INPP4B: variants seen among roughly 807,000 people sequenced by gnomAD.
INPP4B encodes the protein inositol polyphosphate-4-phosphatase type II B.
Under a neutral mutation model 122.5 loss-of-function variants are expected in INPP4B, and 55 were observed. The ratio of observed to expected loss-of-function variants is 0.45; its 90% confidence interval spans 0.36 to 0.56. The LOEUF is 0.56. Ranked by LOEUF, INPP4B falls within the 20% of genes least tolerant of loss-of-function variation. The probability of loss-of-function intolerance (pLI) is 0.00; values close to 1 mark genes in which losing one functional copy is unlikely to be tolerated. For synonymous variants in INPP4B, 403 were observed against 388.7 expected (o/e 1.04, Z -0.43); for missense variants, 1,000 against 1,097.7 (o/e 0.91, Z 1.26).
intron 2 of INPP4B, among the ~76,000 whole-genome samples, chr4:142,484,892 TA>T (rs1489122117): frequency 5.3e-5 from 8 of 152,102 alleles, no homozygotes; most frequent in African/African-American, 1.9e-4. Context: ...CAATTGCAAA[TA>T]GGGGTCCTGT....
chr4:142,707,246 C>T (rs868063754), intron 2 of INPP4B, among the ~76,000 whole-genome samples: 12 of 152,200 alleles, frequency 7.9e-5, no homozygotes, highest in African/African-American at 2.9e-4. Context: ...CATTCTCAGT[C>T]TACAAACTTA....
chr4:142,805,373 G>A (rs1041567067), intron 1 of INPP4B, among the ~76,000 whole-genome samples: 1 of 152,102 alleles, frequency 6.6e-6, no homozygotes, highest in Non-Finnish European at 1.5e-5. Flanking sequence ...AGAATGGATG[G>A]AATAAACTAG....
intron 14 of INPP4B, among the ~76,000 whole-genome samples, chr4:142,196,805 T>C (rs1838423204): frequency 6.6e-6 from 1 of 152,048 alleles, no homozygotes; most frequent in African/African-American, 2.4e-5. Flanking sequence ...ATGACCTGGG[T>C]CCAATTCTTC....
chr4:142,585,769 C>T (rs1010516191), intron 2 of INPP4B, among the ~76,000 whole-genome samples: 1 of 151,786 alleles, frequency 6.6e-6, no homozygotes, highest in Admixed American at 6.6e-5. Context: ...CTTTCCATGA[C>T]TTGAGTTAGG....
intron 2 of INPP4B, among the ~76,000 whole-genome samples, chr4:142,607,227 T>C (rs1741461111): frequency 6.6e-6 from 1 of 152,072 alleles, no homozygotes; most frequent in South Asian, 2.1e-4. Context: ...ATTAAATTAA[T>C]CATTCCCTTT....
chr4:142,524,110 A>G (rs1181053600), intron 2 of INPP4B, among the ~76,000 whole-genome samples: 2 of 151,814 alleles, frequency 1.3e-5, no homozygotes, highest in East Asian at 1.9e-4. Flanking sequence ...TAGTGCCGCA[A>G]TAAACATATG....
At chr4:142,043,806 A>C (rs1390247004) in intron 25 of INPP4B, among the ~76,000 whole-genome samples, 1 of 152,238 alleles carries the variant, frequency 6.6e-6, no homozygotes, top group Non-Finnish European at 1.5e-5. Flanking sequence ...TAGGGTGGGC[A>C]AACACTGAAG....
At chr4:142,055,491 C>A (rs1175802475) in intron 25 of INPP4B, among the ~76,000 whole-genome samples, 1 of 152,004 alleles carries the variant, frequency 6.6e-6, no homozygotes, top group Non-Finnish European at 1.5e-5. Flanking sequence ...CTTATATGCA[C>A]TTTAAAATTA....
chr4:142,754,172 T>C (rs1342644970), intron 1 of INPP4B, among the ~76,000 whole-genome samples: 1 of 152,070 alleles, frequency 6.6e-6, no homozygotes, highest in Non-Finnish European at 1.5e-5. Flanking sequence ...AGAATTTCCT[T>C]TTATACCTTT....
intron 17 of INPP4B, among the ~76,000 whole-genome samples, chr4:142,150,795 A>T (rs1174412157): frequency 6.6e-6 from 1 of 152,186 alleles, no homozygotes; most frequent in East Asian, 1.9e-4. Context: ...CATGTCACAC[A>T]ATTGTGAGTT....
chr4:142,703,994 T>TG (rs1762146896), intron 2 of INPP4B, among the ~76,000 whole-genome samples: 1 of 151,948 alleles, frequency 6.6e-6, no homozygotes, highest in South Asian at 2.1e-4. Context: ...AGAAGCAAAA[T>TG]GGGGTGGTAC....
At chr4:142,791,788 C>T (rs1470155575) in intron 1 of INPP4B, among the ~76,000 whole-genome samples, 2 of 152,054 alleles carry the variant, frequency 1.3e-5, no homozygotes, top group Non-Finnish European at 2.9e-5. Flanking sequence ...TGCACCCTGA[C>T]ACCCAGGCTC....
intron 25 of INPP4B, among the ~76,000 whole-genome samples, chr4:142,054,631 T>A (rs1009543689): frequency 1.3e-5 from 2 of 151,866 alleles, no homozygotes; most frequent in African/African-American, 4.8e-5. Flanking sequence ...GGGTATCTGA[T>A]TGACTGGACT....
At chr4:142,688,063 A>C (rs1759625089) in intron 2 of INPP4B, among the ~76,000 whole-genome samples, 1 of 152,160 alleles carries the variant, frequency 6.6e-6, no homozygotes, top group Admixed American at 6.6e-5. Context: ...CACAGGCTCT[A>C]GATAGATACC....
At chr4:142,050,588 T>C (rs1753992059) in intron 25 of INPP4B, among the ~76,000 whole-genome samples, 1 of 152,048 alleles carries the variant, frequency 6.6e-6, no homozygotes, top group Admixed American at 6.6e-5. Flanking sequence ...GCTTATTTAG[T>C]GGGGACTCAG....
intron 16 of INPP4B, among the ~76,000 whole-genome samples, chr4:142,167,417 G>A (rs768553652): frequency 3.9e-5 from 6 of 151,912 alleles, no homozygotes; most frequent in Admixed American, 6.6e-5. Flanking sequence ...GGGAGGGAGA[G>A]TATCAGGATA....
At chr4:142,586,954 G>A (rs1261319732) in intron 2 of INPP4B, among the ~76,000 whole-genome samples, 2 of 152,116 alleles carry the variant, frequency 1.3e-5, no homozygotes, top group Non-Finnish European at 2.9e-5. Flanking sequence ...GAAATATGGT[G>A]GAAGTGTAGG....
chr4:142,502,692 G>T (rs1823543252), intron 2 of INPP4B, among the ~76,000 whole-genome samples: 1 of 151,886 alleles, frequency 6.6e-6, no homozygotes, highest in African/African-American at 2.4e-5. Flanking sequence ...TATTGGCCAG[G>T]CTGGTCTTGA....
At chr4:142,842,582 ATAGT>A (rs1218223460) in intron 1 of INPP4B, among the ~76,000 whole-genome samples, 1 of 140,496 alleles carries the variant, frequency 7.1e-6, no homozygotes, top group Non-Finnish European at 1.5e-5. Flanking sequence ...GATATATAAG[ATAGT>A]TATTGTATTA....
Sources: allele counts gnomAD v4.1 joint callset (sites outside exome capture counted in the v4.1 genomes callset), GRCh38; gene constraint gnomAD v4.1.1; transcripts MANE v1.5; gene names NCBI Gene and HGNC (gene_info 2026-07-23, HGNC 2026-07-21).